Variants in UBA6 observed in about 807,000 individuals in gnomAD.
The protein encoded by UBA6 is ubiquitin-like modifier-activating enzyme 6.
In UBA6, 87 loss-of-function variants were observed where a neutral mutation model predicts 148.3. The observed-to-expected ratio is 0.59, with a 90% confidence interval of 0.49 to 0.70. The LOEUF is 0.70. Ranked by LOEUF, UBA6 falls within the 30% of genes least tolerant of loss-of-function variation. The pLI, the probability that UBA6 is intolerant of heterozygous loss-of-function variation, is 0.00. For synonymous variants in UBA6, 376 were observed against 401.0 expected (o/e 0.94, Z 0.75); for missense variants, 1,186 against 1,241.2 (o/e 0.96, Z 0.67).
At chr4:67,646,865 T>A (rs897898674) in intron 14 of UBA6, 74 bp from the exon 15 acceptor site, 2 of 800,542 alleles carry the variant, frequency 2.5e-6, no homozygotes, top group Admixed American at 3.1e-5. Context: ...CCTTTATAGT[T>A]ATTTAATAGT....
At chr4:67,682,043 G>T in intron 3 of UBA6, 76 bp downstream of exon 3, 1 of 1,066,206 alleles carries the variant, frequency 9.4e-7, no homozygotes, top group South Asian at 1.4e-5. Flanking sequence ...GGAAATATAA[G>T]GGGATGAAGT....
At chr4:67,673,815 A>G (rs553394948) in intron 6 of UBA6, 38 bp from the exon 7 acceptor site, 6 of 1,449,344 alleles carry the variant, frequency 4.1e-6, no homozygotes, top group South Asian at 1.2e-5. Flanking sequence ...TAGAAAATAC[A>G]TAATTATTTT....
chr4:67,682,118 C>T lies in UBA6; in HGVS notation c.229+1G>A. The T allele has an allele frequency of 6.2e-7, 1 of 1,611,368 alleles. No homozygotes were observed. The highest frequency in any genetic ancestry group is 1.1e-5 in the South Asian group (1 of 90,924). On this transcript the variant is annotated splice_donor_variant, in intron 3 of 32. Transcript: ENST00000322244. LOFTEE classifies it high-confidence loss of function. Reference sequence around the variant, plus strand: ...AAATTAGGAATATAAATATTGCTTACCAATTTCCAAACCAAGACCACCCAT... The same window carrying T: ...AAATTAGGAATATAAATATTGCTTATCAATTTCCAAACCAAGACCACCCAT...
In UBA6 at chr4:67,677,516, T is replaced by A. The variant is rs2627257; in HGVS notation, c.465+95A>T. 570 of 559,810 alleles carry A rather than the reference T, an allele frequency of 1.0e-3. 1 individual carries two copies. In the African/African-American group the frequency reaches 0.01, roughly 10 times the overall value. 34.7% of individuals were successfully genotyped at this position (559,810 alleles called of 1,614,324 possible). On this transcript the variant is annotated intron_variant, in intron 6 of 32. Transcript: ENST00000322244. ...CCTTGAAATTTTTTTGTTCTGTTTC[T>A]CAATACACTAGGTTAAATTAGTTAA...
chr4:67,684,963 A>G (rs887141318), intron 2 of UBA6, among the ~76,000 whole-genome samples: 42 of 152,206 alleles, frequency 2.8e-4, no homozygotes, highest in African/African-American at 9.7e-4. Context: ...CCTAGAATTA[A>G]GTAAGTAGTG....
At chr4:67,626,950 A>C (rs1728882928) in intron 27 of UBA6, among the ~76,000 whole-genome samples, 1 of 151,972 alleles carries the variant, frequency 6.6e-6, no homozygotes, top group African/African-American at 2.4e-5. Flanking sequence ...GAGCTGCTTC[A>C]CATCAAGGAA....
At chr4:67,687,486 C>G (rs140260082) in intron 2 of UBA6, among the ~76,000 whole-genome samples, 148 of 152,296 alleles carry the variant, frequency 9.7e-4, no homozygotes, top group African/African-American at 3.4e-3. Context: ...GTTAATTCTA[C>G]TGTACCAATG....
At chr4:67,681,350 T>A (rs1386879189) in intron 4 of UBA6, among the ~76,000 whole-genome samples, 1 of 152,172 alleles carries the variant, frequency 6.6e-6, no homozygotes, top group African/African-American at 2.4e-5. Flanking sequence ...GAAACAAATG[T>A]CCCCAAGAGT....
intron 2 of UBA6, among the ~76,000 whole-genome samples, chr4:67,696,391 ATG>A (rs1439226306): frequency 6.6e-6 from 1 of 150,992 alleles, no homozygotes; most frequent in African/African-American, 2.4e-5. Flanking sequence ...CTTTATATAT[ATG>A]TGTGTATATA....
chr4:67,615,410 T>A lies in UBA6; in HGVS notation c.*3587A>T, dbSNP rs1388652279. The stretch of plus-strand genomic sequence containing the variant: ...AACCATGAGCCAAATAAACCTTTTT[T>A]CTTTATGAATTACCGAGTCTTGGAT... On this transcript the variant is annotated 3_prime_UTR_variant, in exon 33 of 33. Transcript: ENST00000322244. 1 of 152,186 alleles carries A rather than the reference T, an allele frequency of 6.6e-6. No individual in the cohort carries two copies. Among genetic ancestry groups the A allele is most frequent in the Admixed American group, 6.5e-5 (1 of 15,276 alleles). The allele number at this position is 152,186 out of a possible 1,614,324, so 9.4% of individuals were successfully genotyped here. A position where few individuals can be genotyped will look rare whatever the true frequency, so the allele number is the denominator to read the frequency against.
At chr4:67,695,029 A>C (rs1267392723) in intron 2 of UBA6, among the ~76,000 whole-genome samples, 2 of 152,252 alleles carry the variant, frequency 1.3e-5, no homozygotes, top group Admixed American at 1.3e-4. Flanking sequence ...AGCATTGTAA[A>C]TGGAAAGTTT....
intron 7 of UBA6, among the ~76,000 whole-genome samples, chr4:67,673,297 T>G (rs906336008): frequency 5.3e-5 from 8 of 151,390 alleles, no homozygotes; most frequent in Non-Finnish European, 1.0e-4. Context: ...GCCTGTAAGA[T>G]CCCAGCTACT....
intron 6 of UBA6, among the ~76,000 whole-genome samples, chr4:67,677,367 T>C (rs1427210786): frequency 6.6e-6 from 1 of 152,154 alleles, no homozygotes; most frequent in Non-Finnish European, 1.5e-5. Context: ...AACCAGAGTT[T>C]TGAGTAGTTT....
intron 2 of UBA6, among the ~76,000 whole-genome samples, chr4:67,691,346 T>C (rs915093305): frequency 1.2e-4 from 18 of 152,182 alleles, no homozygotes; most frequent in Non-Finnish European, 4.4e-5. Flanking sequence ...AAGAGGAATG[T>C]AAACAGATGT....
At chr4:67,669,489 T>C (rs1425417523) in intron 8 of UBA6, among the ~76,000 whole-genome samples, 1 of 152,200 alleles carries the variant, frequency 6.6e-6, no homozygotes, top group African/African-American at 2.4e-5. Context: ...AAGTATATTA[T>C]CATTCCCTTA....
At chr4:67,622,794 T>C in intron 32 of UBA6, 37 bp downstream of exon 32, 1 of 1,449,812 alleles carries the variant, frequency 6.9e-7, no homozygotes, top group Non-Finnish European at 9.5e-7. Context: ...TACATTTAAA[T>C]TCTTGTTAAT....
At chr4:67,641,059 C>CA in intron 18 of UBA6, 92 bp downstream of exon 18, 1 of 766,834 alleles carries the variant, frequency 1.3e-6, no homozygotes, top group Admixed American at 2.8e-5. Flanking sequence ...AATAAAATAA[C>CA]ACGATTGTTC....
At chr4:67,689,589 T>C (rs781013651) in intron 2 of UBA6, among the ~76,000 whole-genome samples, 1 of 152,160 alleles carries the variant, frequency 6.6e-6, no homozygotes, top group Non-Finnish European at 1.5e-5. Flanking sequence ...GATGGTCTTA[T>C]TGTAGCAGCT....
intron 23 of UBA6, among the ~76,000 whole-genome samples, chr4:67,632,490 A>T (rs551546578): frequency 6.6e-6 from 1 of 152,330 alleles, no homozygotes; most frequent in South Asian, 2.1e-4. Flanking sequence ...TTCATTATAA[A>T]AAAAGTTTAA....
Sources: gnomAD v4.1 joint callset for allele counts (sites outside exome capture counted in the v4.1 genomes callset) on GRCh38, gnomAD v4.1.1 for gene constraint, MANE v1.5 for transcripts, NCBI Gene and HGNC (gene_info 2026-07-23, HGNC 2026-07-21) for gene names.